PRKCH: variants seen among roughly 807,000 people sequenced by gnomAD.
PRKCH encodes the protein protein kinase C eta.
In PRKCH, 28 loss-of-function variants were observed where a neutral mutation model predicts 82.5. The ratio of observed to expected loss-of-function variants is 0.34; its 90% confidence interval spans 0.25 to 0.47. PRKCH has a LOEUF of 0.47. Among genes scored for constraint, PRKCH ranks in the 20% least tolerant of loss-of-function variants. The pLI is 1.00. For synonymous variants in PRKCH, 322 were observed against 327.4 expected, an observed-to-expected ratio of 0.98 and a Z score of 0.18; for missense variants, 705 against 881.8, an observed-to-expected ratio of 0.80 and a Z score of 2.54.
chr14:61,459,517 A>G lies in PRKCH; in HGVS notation c.1278+1838A>G, dbSNP rs979593947. Among the ~76,000 whole-genome samples the G allele has an allele frequency of 5.3e-5, 8 of 152,350 alleles. 1 individual carries two copies. Among genetic ancestry groups the G allele is most frequent in the South Asian group, 2.1e-4 (1 of 4,828 alleles). On this transcript the variant is annotated intron_variant, in intron 9 of 13. Transcript: ENST00000332981. ...AGCCGAGGTGGGCCAGGGCCAGGCC[A>G]TGAAGAGCCTTGTAGGCTGTGTTAA...
At chr14:61,249,415 C>T (rs1183308423) in intron 1 of PRKCH, among the ~76,000 whole-genome samples, 1 of 151,326 alleles carries the variant, frequency 6.6e-6, no homozygotes, top group Non-Finnish European at 1.5e-5. Context: ...TGTACACACT[C>T]ACTTTGGCAG....
At position 61,457,168 on chromosome 14, in the gene PRKCH, T is replaced by G; in HGVS notation, c.961-8T>G. ...AATTTCTGACTTAATGTGTTCTTAC[T>G]CTTTCAGAAACTCGTTTCCAGATCG... On this transcript the variant is annotated splice_region_variant and splice_polypyrimidine_tract_variant and intron_variant, in intron 7 of 13. Coordinates refer to ENST00000332981, the MANE Select transcript of PRKCH (RefSeq NM_006255.5). 1.2e-6 allele frequency: 2 copies of G among 1,613,798 alleles called. No individual in the cohort carries two copies. Among genetic ancestry groups the G allele is most frequent in the South Asian group, 2.2e-5 (2 of 91,026 alleles).
At chr14:61,395,296 C>CCCG (rs1555383091) in intron 2 of PRKCH, among the ~76,000 whole-genome samples, 5 of 146,868 alleles carry the variant, frequency 3.4e-5, no homozygotes, top group South Asian at 2.3e-4. Flanking sequence ...TGGAGCCCCC[C>CCCG]CCCGCATTTG....
At chr14:61,541,933 C>A (rs75191809) in intron 12 of PRKCH, among the ~76,000 whole-genome samples, 1 of 152,162 alleles carries the variant, frequency 6.6e-6, no homozygotes, top group Non-Finnish European at 1.5e-5. Context: ...TCCACTGCAC[C>A]CATCTTGCTG....
At chr14:61,511,523 C>G (rs777496987) in intron 10 of PRKCH, among the ~76,000 whole-genome samples, 23 of 152,234 alleles carry the variant, frequency 1.5e-4, no homozygotes, top group Non-Finnish European at 2.9e-4. Context: ...GAAGAACGCT[C>G]CTTGCCTCCT....
chr14:61,547,126 A>G (rs535273311), intron 12 of PRKCH, among the ~76,000 whole-genome samples: 1 of 152,320 alleles, frequency 6.6e-6, no homozygotes, highest in East Asian at 1.9e-4. Flanking sequence ...GGTGGGGGGA[A>G]CATCTTGAAG....
intron 10 of PRKCH, among the ~76,000 whole-genome samples, chr14:61,489,772 G>T (rs116895320): frequency 1.3e-5 from 2 of 152,154 alleles, no homozygotes; most frequent in East Asian, 3.8e-4. Context: ...ACTTTTTTCC[G>T]GAGTCAAGCC....
At chr14:61,320,924 A>G (rs1594909292), upstream of PRKCH, among the ~76,000 whole-genome samples, 1 of 152,152 alleles carries the variant, frequency 6.6e-6, no homozygotes, top group Non-Finnish European at 1.5e-5. Context: ...GAAGAGACTT[A>G]TTACCTCTTG....
chr14:61,387,206 T>A (rs2046601267), intron 1 of PRKCH, among the ~76,000 whole-genome samples: 1 of 152,254 alleles, frequency 6.6e-6, no homozygotes, highest in Non-Finnish European at 1.5e-5. Flanking sequence ...AACCAGTAGA[T>A]GCTGATACCG....
At chr14:61,489,666 A>T (rs1407994619) in intron 10 of PRKCH, among the ~76,000 whole-genome samples, 1 of 152,206 alleles carries the variant, frequency 6.6e-6, no homozygotes, top group South Asian at 2.1e-4. Flanking sequence ...AGTTCTCCCA[A>T]GGGGAAAAAA....
At chr14:61,492,934 G>C (rs901846413) in intron 10 of PRKCH, among the ~76,000 whole-genome samples, 1 of 152,184 alleles carries the variant, frequency 6.6e-6, no homozygotes, top group African/African-American at 2.4e-5. Flanking sequence ...GATAAGGAGG[G>C]TGTTTAGGTA....
At chr14:61,269,031 T>C (rs2045128432) in intron 1 of PRKCH, among the ~76,000 whole-genome samples, 1 of 152,210 alleles carries the variant, frequency 6.6e-6, no homozygotes. Flanking sequence ...GGCAAAGACA[T>C]TTGGTGAAAA....
At chr14:61,273,197 G>C (rs1594884952) in intron 1 of PRKCH, among the ~76,000 whole-genome samples, 1 of 152,078 alleles carries the variant, frequency 6.6e-6, no homozygotes, top group East Asian at 1.9e-4. Context: ...TAGTGCTCAG[G>C]GAAATAAACC....
rs1251544165 is a variant in PRKCH at position 61,280,910 on chromosome 14, C to T, written c.-19+93242C>T. Reference sequence around the variant, plus strand: ...AGCGCCCGGCCCTGGCCAGCCGCGGCGCACACCGAGCAGTTACCGGTGCCC... The same window carrying T: ...AGCGCCCGGCCCTGGCCAGCCGCGGTGCACACCGAGCAGTTACCGGTGCCC... On this transcript the variant is annotated intron_variant, in intron 1 of 3. Coordinates refer to the PRKCH transcript ENST00000555185. This position sits in a 1 kb window ranked among gnomAD's most constrained non-coding sequence, Gnocchi z 5.0. 1.3e-6 allele frequency: 2 copies of T among 1,545,678 alleles called. No individual in the cohort carries two copies. The highest frequency in any genetic ancestry group is 1.7e-6 in the Non-Finnish European group (2 of 1,151,060).
intron 1 of PRKCH, among the ~76,000 whole-genome samples, chr14:61,246,767 T>G (rs1226763935): frequency 6.6e-6 from 1 of 152,178 alleles, no homozygotes; most frequent in Admixed American, 6.5e-5. Context: ...TTTATTATTT[T>G]TATAGAGACA....
chr14:61,349,806 A>T (rs1484629956), intron 1 of PRKCH, among the ~76,000 whole-genome samples: 1 of 152,186 alleles, frequency 6.6e-6, no homozygotes, highest in African/African-American at 2.4e-5. Context: ...GGCTGCAGTA[A>T]GCTGAGATCA....
intron 1 of PRKCH, among the ~76,000 whole-genome samples, chr14:61,379,213 C>T (rs1302525236): frequency 2.0e-5 from 3 of 151,282 alleles, no homozygotes; most frequent in African/African-American, 7.3e-5. Context: ...GATGCCCCCC[C>T]TCCCCAGGTC....
At chr14:61,489,998 G>A (rs1886388972) in intron 10 of PRKCH, among the ~76,000 whole-genome samples, 1 of 152,182 alleles carries the variant, frequency 6.6e-6, no homozygotes, top group Admixed American at 6.5e-5. Context: ...TTATAGAAGG[G>A]CACAGTTTAA....
chr14:61,547,246 C>T (rs1454620430), intron 12 of PRKCH, among the ~76,000 whole-genome samples: 2 of 151,908 alleles, frequency 1.3e-5, no homozygotes, highest in Non-Finnish European at 2.9e-5. Flanking sequence ...ACCTTTGCTG[C>T]TTCTTCACAC....
Sources: allele counts gnomAD v4.1 joint callset (sites outside exome capture counted in the v4.1 genomes callset), GRCh38; gene constraint gnomAD v4.1.1; non-coding constraint Gnocchi (gnomAD v3.1); transcripts MANE v1.5; gene names NCBI Gene and HGNC (gene_info 2026-07-23, HGNC 2026-07-21).